The following CSMD3 variants were observed in gnomAD, a reference collection of about 807,000 sequenced individuals.
The protein encoded by CSMD3 is CUB and Sushi multiple domains 3, also known as CUB and sushi domain-containing protein 3.
In CSMD3, 177 loss-of-function variants were observed where a neutral mutation model predicts 435.2. The ratio of observed to expected loss-of-function variants is 0.41; its 90% CI spans 0.36 to 0.46. CSMD3 has a LOEUF of 0.46. Ranked by LOEUF, CSMD3 falls within the 20% of genes least tolerant of loss-of-function variation. The pLI is 0.34. For missense variants in CSMD3, 4,265 were observed against 4,504.6 expected, an observed-to-expected ratio of 0.95 and a Z score of 1.52; for synonymous variants, 1,656 against 1,520.5, an observed-to-expected ratio of 1.09 and a Z score of -2.07.
intron 32 of CSMD3, among the ~76,000 whole-genome samples, chr8:112,428,904 A>AT (rs35018854): frequency 0.06 from 9,129 of 151,964 alleles, 420 homozygotes; most frequent in Non-Finnish European, 0.085. Flanking sequence ...TTTTAATTAA[A>AT]TTTTTTTGAA....
chr8:113,151,032 G>T (rs1343834894), intron 4 of CSMD3, among the ~76,000 whole-genome samples: 1 of 151,920 alleles, frequency 6.6e-6, no homozygotes, highest in Non-Finnish European at 1.5e-5. Flanking sequence ...TCTTTTGAGA[G>T]ATCAAATAAT....
At chr8:113,066,917 G>A (rs193142557) in intron 5 of CSMD3, among the ~76,000 whole-genome samples, 50 of 152,122 alleles carry the variant, frequency 3.3e-4, no homozygotes, top group Non-Finnish European at 5.9e-4. Context: ...CAGGAGTAGG[G>A]TGGGAATGAT....
At chr8:113,250,043 A>G (rs2132293192) in intron 3 of CSMD3, among the ~76,000 whole-genome samples, 1 of 152,256 alleles carries the variant, frequency 6.6e-6, no homozygotes, top group East Asian at 1.9e-4. Flanking sequence ...ACAACAAATC[A>G]CAGGTTCTTT....
intron 6 of CSMD3, among the ~76,000 whole-genome samples, chr8:112,985,604 G>A (rs531935016): frequency 3.9e-5 from 6 of 152,210 alleles, no homozygotes; most frequent in East Asian, 1.9e-4. Context: ...CCACACAGCC[G>A]AAGATGAGTG....
chr8:112,509,028 A>G (rs1236981844), intron 28 of CSMD3, among the ~76,000 whole-genome samples: 7 of 152,038 alleles, frequency 4.6e-5, no homozygotes, highest in Non-Finnish European at 8.8e-5. Flanking sequence ...TTTATTTTAA[A>G]TTACATTTAG....
intron 35 of CSMD3, among the ~76,000 whole-genome samples, chr8:112,394,943 A>G (rs1830741225): frequency 6.6e-6 from 1 of 152,216 alleles, no homozygotes; most frequent in African/African-American, 2.4e-5. Context: ...CTGATTGTGT[A>G]TCTGTACATA....
chr8:112,300,805 A>G (rs1293428449), intron 53 of CSMD3, among the ~76,000 whole-genome samples: 2 of 152,130 alleles, frequency 1.3e-5, no homozygotes, highest in Non-Finnish European at 2.9e-5. Flanking sequence ...TTCTAACTAT[A>G]CCATTTGAAA....
intron 2 of CSMD3, among the ~76,000 whole-genome samples, 168 bp from the exon 3 acceptor site, chr8:113,278,872 T>C (rs1384912632): frequency 6.6e-6 from 1 of 151,788 alleles, no homozygotes; most frequent in African/African-American, 2.4e-5. Context: ...TTAAACTCAT[T>C]TTGGACTTCA....
chr8:112,390,614 G>A (rs779514921), intron 36 of CSMD3, 50 bp downstream of exon 36: 1 of 1,485,542 alleles, frequency 6.7e-7, no homozygotes, highest in Admixed American at 1.7e-5. Flanking sequence ...TCTCTGAAAA[G>A]ATTAACTACA....
chr8:112,386,537 G>T (rs984154237), intron 36 of CSMD3, among the ~76,000 whole-genome samples: 26 of 151,730 alleles, frequency 1.7e-4, no homozygotes, highest in Admixed American at 1.4e-3. Context: ...TCGCTCTGTC[G>T]CCCAGGATGG....
Position 112,781,081 on chromosome 8 carries a change from A to AAC in CSMD3, c.1972+19080_1972+19081insGT, listed in dbSNP as rs397807467. Among the ~76,000 whole-genome samples the AAC allele has an allele frequency of 9.3e-4, 4 of 4,288 alleles. No homozygotes were observed. In the African/African-American group the frequency reaches 0.011, roughly 12 times the overall value. The allele number at this position is 4,288 out of a possible 152,430, so 2.8% of individuals were successfully genotyped here. A position where few individuals can be genotyped will look rare whatever the true frequency, so the allele number is the denominator to read the frequency against. ...GCTTGAGGAAAGGAGAGGATAGAGT[A>AAC]GAGGATTTGTCTTGCATCCAGCTCA... is the stretch of plus-strand genomic sequence containing the variant. On this transcript the variant is annotated intron_variant, in intron 13 of 70. Coordinates refer to ENST00000297405, the MANE Select transcript of CSMD3 (RefSeq NM_198123.2).
intron 1 of CSMD3, among the ~76,000 whole-genome samples, chr8:113,418,421 G>A (rs946046513): frequency 6.6e-6 from 1 of 152,094 alleles, no homozygotes; most frequent in South Asian, 2.1e-4. Context: ...TTTTTGCAGC[G>A]TGGCAGTAAA....
At chr8:112,782,239 A>G (rs1563955542) in intron 13 of CSMD3, among the ~76,000 whole-genome samples, 1 of 152,078 alleles carries the variant, frequency 6.6e-6, no homozygotes. Context: ...TAACACATAG[A>G]TTAAAATATC....
chr8:113,260,523 A>G (rs760499917), intron 3 of CSMD3, among the ~76,000 whole-genome samples: 12 of 152,130 alleles, frequency 7.9e-5, no homozygotes, highest in Non-Finnish European at 1.5e-4. Context: ...ATGGCTGTAT[A>G]TTAAAAAGTC....
chr8:113,356,733 C>A (rs907156427), intron 1 of CSMD3, among the ~76,000 whole-genome samples: 1 of 151,922 alleles, frequency 6.6e-6, no homozygotes, highest in Non-Finnish European at 1.5e-5. Flanking sequence ...TGGAATATAA[C>A]CAAGGTACAC....
At chr8:113,292,891 T>C (rs2093695890) in intron 2 of CSMD3, among the ~76,000 whole-genome samples, 1 of 151,762 alleles carries the variant, frequency 6.6e-6, no homozygotes, top group African/African-American at 2.4e-5. Context: ...GGTGGAGTGA[T>C]GGGAAAGTAG....
chr8:112,889,722 A>G (rs538192396), intron 10 of CSMD3, among the ~76,000 whole-genome samples: 1 of 151,690 alleles, frequency 6.6e-6, no homozygotes, highest in Admixed American at 6.6e-5. Context: ...AAAAAAATGT[A>G]TTTTTAACAT....
At chr8:112,243,928 CTAGGAGCCAATGAA>C (rs1228475835) in intron 65 of CSMD3, among the ~76,000 whole-genome samples, 1 of 151,968 alleles carries the variant, frequency 6.6e-6, no homozygotes, top group Non-Finnish European at 1.5e-5. Flanking sequence ...TGGAGTAAGG[CTAGGAGCCAATGAA>C]TACCCAGGGT....
chr8:113,152,260 A>G (rs558246586), intron 4 of CSMD3, among the ~76,000 whole-genome samples: 346 of 152,214 alleles, frequency 2.3e-3, no homozygotes, highest in African/African-American at 8.0e-3. Flanking sequence ...AGAAACAGCA[A>G]GAGATCTATA....
Sources: allele counts gnomAD v4.1 joint callset (sites outside exome capture counted in the v4.1 genomes callset), GRCh38; gene constraint gnomAD v4.1.1; transcripts MANE v1.5; gene names NCBI Gene and HGNC (gene_info 2026-07-23, HGNC 2026-07-21).